The following UBE3C variants were observed in gnomAD, a reference collection of about 807,000 sequenced individuals.
The protein encoded by UBE3C is ubiquitin-protein ligase E3C.
Under a neutral mutation model 129.4 loss-of-function variants are expected in UBE3C, and 42 were observed. The observed-to-expected ratio is 0.32, with a 90% CI of 0.25 to 0.42. The LOEUF (loss-of-function observed/expected upper bound fraction) is 0.42, where lower values mean the gene tolerates loss of function less well. UBE3C is among the 10% of genes least tolerant of loss of function. The pLI, the probability that UBE3C is intolerant of heterozygous loss-of-function variation, is 1.00. For synonymous variants in UBE3C, 510 were observed against 492.4 expected, an observed-to-expected ratio of 1.04 and a Z score of -0.47; for missense variants, 1,049 against 1,319.1, an observed-to-expected ratio of 0.80 and a Z score of 3.17.
chr7:157,214,684 T>A (rs1809687265), intron 13 of UBE3C, among the ~76,000 whole-genome samples: 1 of 152,192 alleles, frequency 6.6e-6, no homozygotes, highest in African/African-American at 2.4e-5. Flanking sequence ...CTGTTCCTTT[T>A]AGAAGGGTGT....
intron 18 of UBE3C, among the ~76,000 whole-genome samples, chr7:157,240,466 C>T (rs1796282966): frequency 6.6e-6 from 1 of 152,132 alleles, no homozygotes; most frequent in African/African-American, 2.4e-5. Context: ...GTAGGGCCCA[C>T]TTGACGTTAA....
intron 5 of UBE3C, among the ~76,000 whole-genome samples, chr7:157,176,457 T>G (rs1434609106): frequency 6.6e-6 from 1 of 152,174 alleles, no homozygotes; most frequent in Non-Finnish European, 1.5e-5. Context: ...GTATTTTTAG[T>G]AGAGATGGGG....
At chr7:157,210,676 T>A (rs1416980279) in intron 13 of UBE3C, among the ~76,000 whole-genome samples, 2 of 152,250 alleles carry the variant, frequency 1.3e-5, no homozygotes, top group African/African-American at 4.8e-5. Context: ...AAATTTGAGT[T>A]GAAGAATTCG....
chr7:157,192,490 A>G (rs2116957382), intron 10 of UBE3C: 1 of 758,344 alleles, frequency 1.3e-6, no homozygotes, highest in African/African-American at 1.7e-5. Flanking sequence ...CTGATCAGCA[A>G]AGACTGATCT....
chr7:157,157,646 G>C (rs1184204226), intron 1 of UBE3C, among the ~76,000 whole-genome samples: 3 of 152,146 alleles, frequency 2.0e-5, no homozygotes, highest in African/African-American at 7.2e-5. Context: ...ATTTGAATTA[G>C]CCAAAAACTG....
At chr7:157,146,356 C>T (rs569615912) in intron 1 of UBE3C, among the ~76,000 whole-genome samples, 2 of 152,028 alleles carry the variant, frequency 1.3e-5, no homozygotes, top group Non-Finnish European at 2.9e-5. Context: ...CTCAGCCTAC[C>T]GAGTAGCTAG....
At chr7:157,195,738 T>C (rs1809101498) in intron 10 of UBE3C, among the ~76,000 whole-genome samples, 2 of 152,292 alleles carry the variant, frequency 1.3e-5, no homozygotes, top group South Asian at 4.1e-4. Context: ...ACTTTTGAGT[T>C]GGTGAGACTC....
intron 1 of UBE3C, among the ~76,000 whole-genome samples, chr7:157,152,230 GAGAGCTGGGGGAAAGGTAATTAGGGAC>G (rs1807775818): frequency 6.6e-6 from 1 of 151,670 alleles, no homozygotes; most frequent in African/African-American, 2.4e-5. Context: ...TAGTCAGGGA[GAGAGCTGGGGGAAAGGTAATTAGGGAC>G]AGAGCTGGGG....
At chr7:157,140,512 C>T (rs1241163804) in intron 1 of UBE3C, among the ~76,000 whole-genome samples, 2 of 152,170 alleles carry the variant, frequency 1.3e-5, no homozygotes, top group African/African-American at 2.4e-5. Context: ...GGGTCTTCCA[C>T]GTTAATGAAA....
Position 157,220,769 on chromosome 7 carries a change from C to G in UBE3C, c.1995C>G (p.Thr665=). 1.2e-6 allele frequency: 2 copies of G among 1,614,082 alleles called. No individual in the cohort carries two copies. Among genetic ancestry groups the G allele is most frequent in the African/African-American group, 2.7e-5 (2 of 75,042 alleles). The change falls in exon 15 of 23, where the codon ACC becomes ACG. Residue 665 remains threonine (T), a synonymous_variant. Transcript: ENST00000348165. ...RMGRIGPLQS[T]LDVGLESPPL... The stretch of plus-strand genomic sequence containing the variant: ...GGAGGATAGGCCCGCTGCAGTCCAC[C>G]CTGGACGGTGAGTTCTCTAGGACAC...
At chr7:157,260,858 A>G (rs1403189010) in intron 22 of UBE3C, among the ~76,000 whole-genome samples, 1 of 152,166 alleles carries the variant, frequency 6.6e-6, no homozygotes, top group Non-Finnish European at 1.5e-5. Context: ...CTGACAGCCA[A>G]CTAAAGAGCC....
rs1809292568 is a variant in UBE3C, at chr7:157,201,778, A to G, written c.1389A>G (p.Ile463Met). 2 of 1,611,298 alleles carry G rather than the reference A, an allele frequency of 1.2e-6. No individual in the cohort carries two copies. The highest frequency in any genetic ancestry group is 1.7e-6 in the Non-Finnish European group (2 of 1,179,428). The change falls in exon 11 of 23, where the codon ATA (isoleucine) becomes ATG (methionine). Residue 463 changes from isoleucine (I) to methionine (M), a missense_variant. Physicochemically the swap from Ile to Met is conservative, Grantham distance 10. Coordinates refer to ENST00000348165, the MANE Select transcript of UBE3C (RefSeq NM_014671.3). ...ARFLRHLWFL[I>M]SSMSTRMITG... ...TTCTGAGACATCTTTGGTTTCTAAT[A>G]TCTTCCATGTCAACACGGATGATCA...
At chr7:157,162,420 C>T (rs551289404) in intron 1 of UBE3C, among the ~76,000 whole-genome samples, 1 of 152,254 alleles carries the variant, frequency 6.6e-6, no homozygotes, top group Non-Finnish European at 1.5e-5. Flanking sequence ...GTCTCGAACT[C>T]CTGACCTCAT....
chr7:157,156,397 C>T (rs968338636), intron 1 of UBE3C, among the ~76,000 whole-genome samples: 1 of 149,856 alleles, frequency 6.7e-6, no homozygotes, highest in Non-Finnish European at 1.5e-5. Context: ...GCCTCCACCT[C>T]CCAGGTTCAA....
At chr7:157,213,779 G>T (rs982877838) in intron 13 of UBE3C, among the ~76,000 whole-genome samples, 2 of 152,104 alleles carry the variant, frequency 1.3e-5, no homozygotes, top group Non-Finnish European at 2.9e-5. Context: ...AGTATTTTGG[G>T]AATTGGTCCG....
chr7:157,261,362 A>G (rs947521864), intron 22 of UBE3C, among the ~76,000 whole-genome samples: 20 of 150,908 alleles, frequency 1.3e-4, no homozygotes, highest in Non-Finnish European at 2.8e-4. Flanking sequence ...TAAAAGGGAA[A>G]ATCCTACCCC....
rs749958486 is a variant in UBE3C, at chr7:157,207,447, T to G, written c.1468T>G (p.Phe490Val). The change falls in exon 12 of 23, where the codon TTT (phenylalanine) becomes GTT (valine). Residue 490 changes from phenylalanine to valine, a missense_variant. By Grantham distance (50) the Phe-to-Val change is conservative (BLOSUM62 -1). Around this residue, in one of 4 missense-constraint regions of UBE3C, gnomAD observed 314 missense variants for 416.9 expected, o/e 0.75. Transcript: ENST00000348165. ...QVISRGSPMS[F>V]EDSSRIIPLF... is the part of the protein sequence containing the mutation. ...GATATCCAGGGGTTCTCCTATGTCT[T>G]TTGAAGATTCTAGTCGAATCATCCC... 2.5e-6 allele frequency: 4 copies of G among 1,614,050 alleles called. No individual in the cohort carries two copies. The highest frequency in any genetic ancestry group is 3.4e-6 in the Non-Finnish European group (4 of 1,180,024).
chr7:157,144,496 C>T (rs1012935821), intron 1 of UBE3C, among the ~76,000 whole-genome samples: 1 of 151,792 alleles, frequency 6.6e-6, no homozygotes, highest in Non-Finnish European at 1.5e-5. Flanking sequence ...TCAGAGTCTT[C>T]GAGAATACCC....
intron 22 of UBE3C, among the ~76,000 whole-genome samples, chr7:157,259,239 T>C (rs1463878490): frequency 6.6e-6 from 1 of 152,224 alleles, no homozygotes; most frequent in Non-Finnish European, 1.5e-5. Context: ...GCTCTTCAGG[T>C]GTTAGGCCGG....
Sources: allele counts gnomAD v4.1 joint callset (sites outside exome capture counted in the v4.1 genomes callset), GRCh38; gene constraint gnomAD v4.1.1; regional missense constraint gnomAD v4.1.1; transcripts MANE v1.5; gene names NCBI Gene and HGNC (gene_info 2026-07-23, HGNC 2026-07-21).